NUP58: variants seen among roughly 807,000 people sequenced by gnomAD.
The protein encoded by NUP58 is nucleoporin 58.
In NUP58, 17 loss-of-function variants were observed where a neutral mutation model predicts 70.1. The observed-to-expected ratio is 0.24, with a 90% CI of 0.17 to 0.36. The LOEUF (loss-of-function observed/expected upper bound fraction) is 0.36, where lower values mean the gene tolerates loss of function less well. Ranked by LOEUF, NUP58 falls within the 10% of genes least tolerant of loss-of-function variation. The pLI is 1.00. For missense variants in NUP58, 644 were observed against 701.5 expected, an observed-to-expected ratio of 0.92 and a Z score of 0.93; for synonymous variants, 275 against 257.6, an observed-to-expected ratio of 1.07 and a Z score of -0.65.
chr13:25,309,016 T>C (rs920977863), intron 2 of NUP58, among the ~76,000 whole-genome samples: 1 of 152,262 alleles, frequency 6.6e-6, no homozygotes, highest in Non-Finnish European at 1.5e-5. Flanking sequence ...GCAATAGTTA[T>C]TTGCATTTTA....
chr13:25,307,340 G>T (rs1259854907), intron 1 of NUP58, among the ~76,000 whole-genome samples: 1 of 149,658 alleles, frequency 6.7e-6, no homozygotes, highest in African/African-American at 2.4e-5. Flanking sequence ...AGCCTCCTGA[G>T]TAGCTGGAAT....
chr13:25,343,205 A>C (rs2031999347), downstream of NUP58, among the ~76,000 whole-genome samples: 1 of 151,698 alleles, frequency 6.6e-6, no homozygotes, highest in South Asian at 2.1e-4. Flanking sequence ...CCCATAGTCC[A>C]TTGTATCATT....
intron 4 of NUP58, 105 bp downstream of exon 4, chr13:25,313,137 G>A (rs1205927150): frequency 7.4e-7 from 1 of 1,349,996 alleles, no homozygotes; most frequent in African/African-American, 1.5e-5. Context: ...GATTTATAAA[G>A]AAGAAAATTC....
downstream of NUP58, among the ~76,000 whole-genome samples, chr13:25,343,630 G>A (rs537431042): frequency 6.6e-6 from 1 of 151,474 alleles, no homozygotes; most frequent in South Asian, 2.1e-4. Flanking sequence ...ATTTTTAGTA[G>A]AGATTTAAGT....
rs1212264596 is a variant in NUP58, at chr13:25,338,726, G to C, written c.1625G>C (p.Ser542Thr). 1 of 1,611,790 alleles carries C rather than the reference G, an allele frequency of 6.2e-7. No individual in the cohort carries two copies. Among genetic ancestry groups the C allele is most frequent in the African/African-American group, 1.3e-5 (1 of 74,848 alleles). The change falls in exon 15 of 16, where the codon AGT (serine) becomes ACT (threonine). Residue 542 changes from serine to threonine, a missense_variant. Transcript: ENST00000381736. The part of the protein sequence containing the change: ...GTTNKPSGSL[S>T]AGFGSSSTSG... The stretch of plus-strand genomic sequence containing the variant: ...ACAAATAAACCCTCAGGAAGTCTTA[G>C]TGCAGGTTTGTGTGTTTCTGCCTGG...
chr13:25,346,572 TAGCC>T (rs2032052921), downstream of NUP58, among the ~76,000 whole-genome samples: 1 of 151,818 alleles, frequency 6.6e-6, no homozygotes, highest in African/African-American at 2.4e-5. Flanking sequence ...ATACAAAAAT[TAGCC>T]AGGTGTGGTG....
At chr13:25,332,369 T>A (rs1398511264) in intron 13 of NUP58, 1 of 985,318 alleles carries the variant, frequency 1.0e-6, no homozygotes, top group Non-Finnish European at 1.2e-6. Context: ...GTTATCTTAA[T>A]CCTGCCATCC....
In NUP58 at chr13:25,301,843, A is replaced by G; in HGVS notation, c.70A>G (p.Thr24Ala). 6.2e-7 allele frequency: 1 copy of G among 1,613,450 alleles called. No homozygotes were observed. The change falls in exon 1 of 16, where the codon ACA becomes GCA. Residue 24 changes from threonine to alanine, a missense_variant. By Grantham distance (58) the Thr-to-Ala change is moderately conservative (BLOSUM62 0). Transcript: ENST00000381736. Reference sequence around the variant, plus strand: ...CACCGTGGCCGCCGGCGGGACCAGCACAGGCGGCGTTTTCTCCTTCGGAAC... The same window carrying G: ...CACCGTGGCCGCCGGCGGGACCAGCGCAGGCGGCGTTTTCTCCTTCGGAAC... ...STTVAAGGTS[T>A]GGVFSFGTGA... is the part of the protein sequence containing the mutation.
At chr13:25,323,572 A>G (rs1186320759) in intron 9 of NUP58, among the ~76,000 whole-genome samples, 2 of 152,286 alleles carry the variant, frequency 1.3e-5, no homozygotes, top group African/African-American at 2.4e-5. Flanking sequence ...ATAAAGTATC[A>G]ATCTTATTTA....
downstream of NUP58, among the ~76,000 whole-genome samples, chr13:25,346,061 G>A (rs1278040926): frequency 6.6e-6 from 1 of 152,200 alleles, no homozygotes; most frequent in Non-Finnish European, 1.5e-5. Context: ...CCCCCGGGAA[G>A]CAAGTCAGTT....
At chr13:25,306,875 A>G (rs1180038141) in intron 1 of NUP58, among the ~76,000 whole-genome samples, 2 of 151,920 alleles carry the variant, frequency 1.3e-5, no homozygotes, top group Non-Finnish European at 2.9e-5. Context: ...TGCTCTGAAG[A>G]GTTTCTGTTA....
intron 12 of NUP58, among the ~76,000 whole-genome samples, chr13:25,329,889 C>T (rs1185787888): frequency 6.6e-6 from 1 of 152,154 alleles, no homozygotes; most frequent in East Asian, 1.9e-4. Flanking sequence ...GTGGCGTAAT[C>T]ATGACTCATT....
At chr13:25,312,798 T>A in intron 3 of NUP58, 85 bp from the exon 4 acceptor site, 1 of 1,336,346 alleles carries the variant, frequency 7.5e-7, no homozygotes, top group Non-Finnish European at 1.0e-6. Flanking sequence ...CTTTTAAGGA[T>A]CCTTATTGAA....
chr13:25,311,876 G>C (rs987983398), intron 3 of NUP58, among the ~76,000 whole-genome samples: 9 of 152,116 alleles, frequency 5.9e-5, no homozygotes, highest in African/African-American at 2.2e-4. Flanking sequence ...TGGAGTACAG[G>C]AGAAGGAAAG....
chr13:25,326,901 A>G lies in NUP58; in HGVS notation c.1032-15A>G, dbSNP rs575823353. 7.7e-6 allele frequency: 11 copies of G among 1,435,436 alleles called. No homozygotes were observed. The highest frequency in any genetic ancestry group is 2.9e-5 in the African/African-American group (2 of 70,140). 88.9% of individuals were successfully genotyped at this position (1,435,436 alleles called of 1,614,324 possible). A position where few individuals can be genotyped will look rare whatever the true frequency, so the allele number is the denominator to read the frequency against. ...AAAAAAATATTTGATCTGACTTTTT[A>G]AATGTTTTTTAAAGCTACTTCAGAA... On this transcript the variant is annotated splice_polypyrimidine_tract_variant and intron_variant, in intron 10 of 15. Transcript: ENST00000381736.
At chr13:25,329,885 T>C (rs2031542068) in intron 12 of NUP58, among the ~76,000 whole-genome samples, 1 of 152,164 alleles carries the variant, frequency 6.6e-6, no homozygotes, top group Non-Finnish European at 1.5e-5. Context: ...TGCAGTGGCG[T>C]AATCATGACT....
rs1395392103 is a variant in NUP58, at chr13:25,320,559, T to C, written c.740T>C (p.Leu247Pro). The change falls in exon 8 of 16, where the codon CTA becomes CCA. Residue 247 changes from leucine (L) to proline (P), a missense_variant. By Grantham distance (98) the Leu-to-Pro change is moderately conservative. Coordinates refer to ENST00000381736, the MANE Select transcript of NUP58 (RefSeq NM_014089.4). ...EDSKALKDEN[L>P]PPVICQDVEN... ...AGTAAAGCTCTGAAGGATGAAAATC[T>C]ACCTCCTGTCATCTGCCAGGATGTT... 3 of 1,610,902 alleles carry C rather than the reference T, an allele frequency of 1.9e-6. No individual in the cohort carries two copies. Among genetic ancestry groups the C allele is most frequent in the South Asian group, 2.2e-5 (2 of 90,952 alleles).
intron 7 of NUP58, chr13:25,320,165 G>A (rs1346948755): frequency 6.1e-6 from 1 of 164,062 alleles, no homozygotes; most frequent in Non-Finnish European, 1.3e-5. Context: ...ATTTTGGAAT[G>A]GAATAAATTG....
chr13:25,318,950 G>A (rs1029438575), intron 6 of NUP58, among the ~76,000 whole-genome samples: 1 of 152,278 alleles, frequency 6.6e-6, no homozygotes. Context: ...TATTTTTCAC[G>A]GAAGATGGTT....
Sources: allele counts gnomAD v4.1 joint callset (sites outside exome capture counted in the v4.1 genomes callset), GRCh38; gene constraint gnomAD v4.1.1; transcripts MANE v1.5; gene names NCBI Gene and HGNC (gene_info 2026-07-23, HGNC 2026-07-21).